The following DNAJC10 variants were observed in gnomAD, a reference collection of about 807,000 sequenced individuals.
DNAJC10 encodes DnaJ heat shock protein family (Hsp40) member C10.
In DNAJC10, 101 loss-of-function variants were observed where a neutral mutation model predicts 115.0. That is an observed-to-expected ratio of 0.88 (90% CI 0.75 to 1.04). DNAJC10 has a LOEUF of 1.04. Among genes scored for constraint, DNAJC10 ranks in the 50% least tolerant of loss-of-function variants. DNAJC10 has a pLI of 0.00. For missense variants in DNAJC10, 981 were observed against 928.8 expected (o/e 1.06, Z -0.73); for synonymous variants, 307 against 301.5 (o/e 1.02, Z -0.19).
At chr2:182,734,772 G>A (rs895159066) in intron 10 of DNAJC10, among the ~76,000 whole-genome samples, 2 of 151,632 alleles carry the variant, frequency 1.3e-5, no homozygotes, top group African/African-American at 4.8e-5. Context: ...AGAATTGTAT[G>A]TTTTCTTGGT....
chr2:182,728,660 T>C lies in DNAJC10; in HGVS notation c.501+2T>C. On this transcript the variant is annotated splice_donor_variant, in intron 6 of 23. Coordinates refer to ENST00000264065, the MANE Select transcript of DNAJC10 (RefSeq NM_018981.4). LOFTEE classifies it high-confidence loss of function. ...CACTGCCATGATTTAGCTCCCACAG[T>C]ATGTATTTTTCACATCCTCATTACT... 6.2e-7 allele frequency: 1 copy of C among 1,609,444 alleles called. No individual in the cohort carries two copies. The highest frequency in any genetic ancestry group is 8.5e-7 in the Non-Finnish European group (1 of 1,177,010).
intron 10 of DNAJC10, among the ~76,000 whole-genome samples, chr2:182,733,220 A>G (rs914771627): frequency 6.6e-6 from 1 of 150,868 alleles, no homozygotes; most frequent in African/African-American, 2.5e-5. Context: ...TTTTGACATT[A>G]TATTGTTGGC....
chr2:182,741,243 G>T lies in DNAJC10; in HGVS notation c.1078G>T (p.Asp360Tyr). 1 of 1,585,250 alleles carries T rather than the reference G, an allele frequency of 6.3e-7. No homozygotes were observed. The highest frequency in any genetic ancestry group is 8.6e-7 in the Non-Finnish European group (1 of 1,161,560). ...FELLSANTLE[D>Y]RLAHHRWLLF... is the part of the protein sequence containing the mutation. ...TTTTGTTTTCTTTATCACTTTTAAGGATCGTTTGGCTCATCATCGGTGGCT... is the reference window on the plus strand; with the variant it reads ...TTTTGTTTTCTTTATCACTTTTAAGTATCGTTTGGCTCATCATCGGTGGCT... Residue 360 changes from aspartate (D) to tyrosine (Y), a missense_variant and splice_region_variant, in exon 13 of 24, where the codon GAT becomes TAT. Asp to Tyr is a radical substitution (Grantham distance 160, BLOSUM62 -3). Transcript: ENST00000264065.
chr2:182,733,617 G>T (rs1324292836), intron 10 of DNAJC10, among the ~76,000 whole-genome samples: 2 of 149,874 alleles, frequency 1.3e-5, no homozygotes, highest in African/African-American at 2.5e-5. Context: ...CTTTAAATGT[G>T]TTGGAAAGTA....
intron 14 of DNAJC10, among the ~76,000 whole-genome samples, chr2:182,749,537 A>G (rs1301311733): frequency 6.7e-6 from 1 of 149,442 alleles, no homozygotes; most frequent in African/African-American, 2.5e-5. Flanking sequence ...TTTTATTTTG[A>G]GCCTATGTGT....
At chr2:182,765,813 T>C (rs996698699) in intron 22 of DNAJC10, among the ~76,000 whole-genome samples, 1 of 152,252 alleles carries the variant, frequency 6.6e-6, no homozygotes, top group African/African-American at 2.4e-5. Flanking sequence ...TTGTGTTGTA[T>C]GTGCTAAAGT....
intron 11 of DNAJC10, among the ~76,000 whole-genome samples, chr2:182,736,659 A>G (rs1693591796): frequency 6.6e-6 from 1 of 152,224 alleles, no homozygotes. Flanking sequence ...TAAAACCATT[A>G]TATTTTTAAA....
intron 10 of DNAJC10, chr2:182,732,795 A>G (rs1176884853): frequency 6.2e-6 from 3 of 487,440 alleles, no homozygotes; most frequent in Non-Finnish European, 1.1e-5. Flanking sequence ...TTCCTCTTCA[A>G]CTGAAGTTAC....
Position 182,786,010 on chromosome 2 carries a change from A to G in DNAJC10, c.*8878A>G, listed in dbSNP as rs1437979864. 1 of 152,172 alleles carries G rather than the reference A, an allele frequency of 6.6e-6. No individual in the cohort carries two copies. Among genetic ancestry groups the G allele is most frequent in the Non-Finnish European group, 1.5e-5 (1 of 68,024 alleles). The allele number at this position is 152,172 out of a possible 1,614,324, so 9.4% of individuals were successfully genotyped here. A position where few individuals can be genotyped will look rare whatever the true frequency, so the allele number is the denominator to read the frequency against. On this transcript the variant is annotated 3_prime_UTR_variant, in exon 24 of 24. Transcript: ENST00000264065. ...AGATAATAATCCAGGGACTTTGGGT[A>G]GTTGTTAAATGGATGGCTGTATCAT...
chr2:182,717,241 T>A (rs1349243251), intron 2 of DNAJC10, among the ~76,000 whole-genome samples, 169 bp downstream of exon 2: 11 of 152,198 alleles, frequency 7.2e-5, no homozygotes, highest in African/African-American at 2.7e-4. Flanking sequence ...AGAGAGTATG[T>A]CTAAATAACC....
At chr2:182,764,671 T>C (rs925661467) in intron 22 of DNAJC10, among the ~76,000 whole-genome samples, 1 of 152,136 alleles carries the variant, frequency 6.6e-6, no homozygotes, top group Non-Finnish European at 1.5e-5. Context: ...CAAAAGTATA[T>C]AAGGGTGCAT....
At chr2:182,743,543 C>T in intron 13 of DNAJC10, 55 bp from the exon 14 acceptor site, 1 of 1,307,746 alleles carries the variant, frequency 7.6e-7, no homozygotes, top group Non-Finnish European at 1.1e-6. Context: ...TGAATATTTA[C>T]AAATCAAATG....
chr2:182,736,793 A>AC (rs1386070460), intron 11 of DNAJC10, among the ~76,000 whole-genome samples: 4 of 152,156 alleles, frequency 2.6e-5, no homozygotes, highest in Non-Finnish European at 5.9e-5. Flanking sequence ...CTTGTCGCCC[A>AC]GGCTGTAGTG....
chr2:182,726,875 G>C (rs1391773635), intron 5 of DNAJC10, among the ~76,000 whole-genome samples: 1 of 151,000 alleles, frequency 6.6e-6, no homozygotes, highest in Non-Finnish European at 1.5e-5. Flanking sequence ...GAGACTGCGG[G>C]CATGTGCCAC....
Position 182,762,884 on chromosome 2 carries a change from TG to T in DNAJC10, c.2265+84del, listed in dbSNP as rs141182965. On this transcript the variant is annotated intron_variant, in intron 22 of 23. Transcript: ENST00000264065. The stretch of plus-strand genomic sequence containing the variant: ...TTCAGTCTGAGTAATGTTTTTTTTC[TG>T]TTTTCTCATCCTTGTCATTTTTTTA... 10,555 of 1,440,560 alleles carry T rather than the reference TG, an allele frequency of 7.3e-3. 651 individuals are homozygous for T. In the African/African-American group the frequency reaches 0.13, roughly 18 times the overall value. The allele number at this position is 1,440,560 out of a possible 1,614,324, so 89.2% of individuals were successfully genotyped here.
intron 13 of DNAJC10, 94 bp downstream of exon 13, chr2:182,741,450 A>T (rs1256832944): frequency 3.4e-6 from 2 of 581,372 alleles, no homozygotes; most frequent in East Asian, 6.8e-5. Flanking sequence ...AAAAACTCTT[A>T]TTTGAAATTA....
At position 182,788,658 on chromosome 2, in the gene DNAJC10, C is replaced by T; in HGVS notation, c.*11526C>T. 2 of 337,312 alleles carry T rather than the reference C, an allele frequency of 5.9e-6. No homozygotes were observed. Among genetic ancestry groups the T allele is most frequent in the Non-Finnish European group, 1.2e-5 (2 of 173,052 alleles). 20.9% of individuals were successfully genotyped at this position (337,312 alleles called of 1,614,324 possible). On this transcript the variant is annotated 3_prime_UTR_variant, in exon 24 of 24. Transcript: ENST00000264065. ...ATGGTCATATTTGTGTTCTTTTGTC[C>T]CAGAGAACAAAAGGAAGTGAGCTTA...
intron 11 of DNAJC10, among the ~76,000 whole-genome samples, chr2:182,737,869 AG>A (rs1693626829): frequency 6.6e-6 from 1 of 152,220 alleles, no homozygotes; most frequent in South Asian, 2.1e-4. Flanking sequence ...CAATTCATCA[AG>A]AAAATCTATG....
chr2:182,757,833 T>C lies in DNAJC10; in HGVS notation c.1943+8T>C, dbSNP rs1559019323. 1 of 1,369,686 alleles carries C rather than the reference T, an allele frequency of 7.3e-7. No homozygotes were observed. The highest frequency in any genetic ancestry group is 2.0e-5 in the Admixed American group (1 of 50,660). 84.8% of individuals were successfully genotyped at this position (1,369,686 alleles called of 1,614,324 possible). A position where few individuals can be genotyped will look rare whatever the true frequency, so the allele number is the denominator to read the frequency against. Reference sequence around the variant, plus strand: ...TAAAGCTTATCATTATCAGTAAGTATTCTCTCATATTTGAAGACATTTATT... The same window carrying C: ...TAAAGCTTATCATTATCAGTAAGTACTCTCTCATATTTGAAGACATTTATT... On this transcript the variant is annotated splice_region_variant and intron_variant, in intron 19 of 23. Transcript: ENST00000264065.
Sources: gnomAD v4.1 joint callset for allele counts (sites outside exome capture counted in the v4.1 genomes callset) on GRCh38, gnomAD v4.1.1 for gene constraint, MANE v1.5 for transcripts, NCBI Gene and HGNC (gene_info 2026-07-23, HGNC 2026-07-21) for gene names.